The following NOSIP variants were observed in gnomAD, a reference collection of about 807,000 sequenced individuals.
The protein encoded by NOSIP is nitric oxide synthase interacting protein.
NOSIP carries 25 observed loss-of-function variants against 36.4 expected under a neutral mutation model. The observed-to-expected ratio is 0.69, with a 90% CI of 0.50 to 0.96. The LOEUF is 0.96. Ranked by LOEUF, NOSIP falls within the 40% of genes least tolerant of loss-of-function variation. The probability of loss-of-function intolerance (pLI) is 0.00; values close to 1 mark genes in which losing one functional copy is unlikely to be tolerated. For synonymous variants in NOSIP, 187 were observed against 179.2 expected (o/e 1.04, Z -0.35); for missense variants, 370 against 429.0 (o/e 0.86, Z 1.21).
chr19:49,559,235 C>T, intron 3 of NOSIP: 1 of 464,804 alleles, frequency 2.2e-6, no homozygotes, highest in Non-Finnish European at 3.9e-6. Context: ...TCCAGCTGTC[C>T]TCTCCCAATA....
intron 4 of NOSIP, 31 bp from the exon 5 acceptor site, chr19:49,557,280 C>T: frequency 1.3e-6 from 2 of 1,547,682 alleles, no homozygotes; most frequent in South Asian, 1.2e-5. Flanking sequence ...TGAGCATCTG[C>T]CCGTGGGGCT....
In NOSIP at chr19:49,574,969, T is replaced by C. The variant is rs572660925; in HGVS notation, c.-2+5546A>G. On this transcript the variant is annotated intron_variant, in intron 1 of 8. Coordinates refer to ENST00000596358, the MANE Select transcript of NOSIP (RefSeq NM_001270960.2). ...GCTCTGCCTCCAGGGTTCATGCCAT[T>C]CTCCTGCCTCAGCCTCCCGAGTAGC... 2.3e-3 allele frequency among the ~76,000 whole-genome samples: 346 copies of C among 151,720 alleles called. 6 individuals carry two copies. The highest frequency in any genetic ancestry group is 2.9e-3 in the Non-Finnish European group (197 of 67,892).
intron 8 of NOSIP, 100 bp from the exon 9 acceptor site, chr19:49,555,922 C>A: frequency 1.2e-6 from 1 of 850,228 alleles, no homozygotes; most frequent in Non-Finnish European, 1.9e-6. Flanking sequence ...CAAGGTGAAG[C>A]GGGTTGCTGG....
At chr19:49,561,423 A>G (rs1328313439) in intron 1 of NOSIP, among the ~76,000 whole-genome samples, 1 of 152,190 alleles carries the variant, frequency 6.6e-6, no homozygotes, top group African/African-American at 2.4e-5. Flanking sequence ...CCAGAATAGT[A>G]TAAGGAACCC....
intron 1 of NOSIP, among the ~76,000 whole-genome samples, chr19:49,572,750 G>T (rs920905605): frequency 3.3e-5 from 5 of 151,992 alleles, no homozygotes; most frequent in Non-Finnish European, 5.9e-5. Flanking sequence ...AAGGCGGGCA[G>T]ATCACCTGAG....
At chr19:49,568,203 C>G (rs1415686160) in intron 1 of NOSIP, among the ~76,000 whole-genome samples, 1 of 152,084 alleles carries the variant, frequency 6.6e-6, no homozygotes, top group Non-Finnish European at 1.5e-5. Flanking sequence ...TAAGACATAC[C>G]AACATACTCC....
chr19:49,557,849 CTGAG>C, intron 4 of NOSIP: 1 of 988,176 alleles, frequency 1.0e-6, no homozygotes, highest in Non-Finnish European at 1.2e-6. Context: ...GGCCACCCAG[CTGAG>C]TGAGGAGGTA....
At chr19:49,559,092 T>G in intron 3 of NOSIP, 114 bp from the exon 4 acceptor site, 2 of 823,800 alleles carry the variant, frequency 2.4e-6, no homozygotes, top group Middle Eastern at 2.7e-4. Flanking sequence ...TTCAATTATT[T>G]GCTAGAATTC....
At chr19:49,576,450 G>A (rs576513404) in intron 1 of NOSIP, among the ~76,000 whole-genome samples, 150 of 152,078 alleles carry the variant, frequency 9.9e-4, no homozygotes, top group African/African-American at 3.5e-3. Context: ...AGTGGCATGC[G>A]CCTGTGGTCC....
Position 49,557,136 on chromosome 19 carries a change from C to T in NOSIP, c.372G>A (p.Arg124=), listed in dbSNP as rs1049346763. 1.2e-6 allele frequency: 2 copies of T among 1,612,634 alleles called. No homozygotes were observed. Among genetic ancestry groups the T allele is most frequent in the South Asian group, 1.1e-5 (1 of 90,728 alleles). ...CCTTGGCTGTGAAAGGGTTGAGGGG[C>T]CGGCTCACGATAGCCGACTCCTTCT... The part of the protein sequence containing the change: ...FLEKESAIVS[R]PLNPFTAKAL... Residue 124 remains arginine, a synonymous_variant, in exon 5 of 9, where the codon CGG becomes CGA. Transcript: ENST00000596358.
intron 1 of NOSIP, among the ~76,000 whole-genome samples, chr19:49,572,202 T>C (rs1459239046): frequency 4.0e-5 from 6 of 149,694 alleles, no homozygotes; most frequent in Admixed American, 4.0e-4. Flanking sequence ...ACCTCCCCGA[T>C]TCAAGTGATT....
chr19:49,555,955 G>T, intron 8 of NOSIP, 133 bp from the exon 9 acceptor site: 1 of 654,788 alleles, frequency 1.5e-6, no homozygotes. Context: ...AGTTGGGGAG[G>T]GGGCGAGGCG....
intron 1 of NOSIP, among the ~76,000 whole-genome samples, chr19:49,577,496 C>T (rs1408890196): frequency 1.3e-5 from 2 of 152,028 alleles, no homozygotes; most frequent in African/African-American, 2.4e-5. Flanking sequence ...GCCGAGATCA[C>T]GCCACTGCAC....
At chr19:49,556,237 G>T in intron 8 of NOSIP, 80 bp downstream of exon 8, 1 of 710,662 alleles carries the variant, frequency 1.4e-6, no homozygotes, top group Non-Finnish European at 2.3e-6. Context: ...GGGAAGGGGA[G>T]GGGACGAAGC....
At chr19:49,559,047 G>A in intron 3 of NOSIP, 69 bp from the exon 4 acceptor site, 2 of 1,257,544 alleles carry the variant, frequency 1.6e-6, no homozygotes, top group Non-Finnish European at 1.2e-6. Context: ...GAAGTGCTGG[G>A]ATTATAGGCA....
chr19:49,569,738 G>A (rs984552456), intron 1 of NOSIP, among the ~76,000 whole-genome samples: 9 of 151,922 alleles, frequency 5.9e-5, no homozygotes, highest in African/African-American at 2.2e-4. Context: ...AACCCGGGAG[G>A]TGGAGGTTGC....
chr19:49,563,851 T>C (rs541339960), intron 1 of NOSIP, among the ~76,000 whole-genome samples: 1 of 152,214 alleles, frequency 6.6e-6, no homozygotes, highest in African/African-American at 2.4e-5. Context: ...AAATAAAAAA[T>C]ATGGATAGGA....
chr19:49,566,213 G>A (rs569415542), intron 1 of NOSIP, among the ~76,000 whole-genome samples: 1 of 152,086 alleles, frequency 6.6e-6, no homozygotes, highest in African/African-American at 2.4e-5. Context: ...GTGAAAACGG[G>A]GTTTCACCGT....
chr19:49,577,679 C>T (rs936956047), intron 1 of NOSIP, among the ~76,000 whole-genome samples: 1 of 148,794 alleles, frequency 6.7e-6, no homozygotes, highest in South Asian at 2.1e-4. Context: ...GCAGGAGGAT[C>T]ACTTGAACCC....
Sources: gnomAD v4.1 joint callset for allele counts (sites outside exome capture counted in the v4.1 genomes callset) on GRCh38, gnomAD v4.1.1 for gene constraint, MANE v1.5 for transcripts, NCBI Gene and HGNC (gene_info 2026-07-23, HGNC 2026-07-21) for gene names.